IRF2: variants seen among roughly 807,000 people sequenced by gnomAD.
The protein encoded by IRF2 is interferon regulatory factor 2.
IRF2 carries 15 observed loss-of-function variants against 40.6 expected under a neutral mutation model. That is an observed-to-expected ratio of 0.37 (90% confidence interval 0.25 to 0.57). The LOEUF is 0.57. IRF2 is among the 20% of genes least tolerant of loss of function. The probability of loss-of-function intolerance (pLI) is 0.77; values close to 1 mark genes in which losing one functional copy is unlikely to be tolerated. For synonymous variants in IRF2, 151 were observed against 165.5 expected, an observed-to-expected ratio of 0.91 and a Z score of 0.67; for missense variants, 317 against 455.7, an observed-to-expected ratio of 0.70 and a Z score of 2.77.
intron 7 of IRF2, among the ~76,000 whole-genome samples, chr4:184,395,531 A>C (rs543965161): frequency 1.3e-5 from 2 of 152,368 alleles, no homozygotes; most frequent in Non-Finnish European, 2.9e-5. Flanking sequence ...GGAGAACATA[A>C]AGCAAGAAAG....
At chr4:184,405,169 A>C (rs1454715014) in intron 6 of IRF2, among the ~76,000 whole-genome samples, 1 of 152,168 alleles carries the variant, frequency 6.6e-6, no homozygotes, top group Non-Finnish European at 1.5e-5. Flanking sequence ...GCTTGAACCC[A>C]GGAGGCGGAG....
intron 1 of IRF2, among the ~76,000 whole-genome samples, chr4:184,437,364 T>TA (rs35044484): frequency 0.34 from 52,280 of 151,848 alleles, 9,784 homozygotes; most frequent in South Asian, 0.5. Flanking sequence ...CCTAATTTTT[T>TA]AAAATATTTT....
intron 2 of IRF2, among the ~76,000 whole-genome samples, chr4:184,423,657 C>T (rs1737562539): frequency 6.6e-6 from 1 of 152,094 alleles, no homozygotes; most frequent in South Asian, 2.1e-4. Flanking sequence ...CACATGGAGC[C>T]ACGAGAGAAA....
chr4:184,405,177 G>C (rs1364751040), intron 6 of IRF2, among the ~76,000 whole-genome samples: 1 of 152,216 alleles, frequency 6.6e-6, no homozygotes, highest in Non-Finnish European at 1.5e-5. Flanking sequence ...CCAGGAGGCG[G>C]AGGTTGCAGT....
rs1181823746 is a variant in IRF2 at position 184,474,044 on chromosome 4, A to G, written c.-7+335T>C. The stretch of plus-strand genomic sequence containing the variant: ...TGTGTCCATGGAGCCACCTCTCCGC[A>G]TCTGCAAATCCAAAAGTGAAATTAA... On this transcript the variant is annotated intron_variant, in intron 1 of 8. Coordinates refer to ENST00000393593, the MANE Select transcript of IRF2 (RefSeq NM_002199.4). The surrounding 1 kb of genome is among the most constrained non-coding windows in gnomAD (Gnocchi z 5.6). 1 of 153,306 alleles carries G rather than the reference A, an allele frequency of 6.5e-6. No individual in the cohort carries two copies. The highest frequency in any genetic ancestry group is 2.4e-5 in the African/African-American group (1 of 41,428). The allele number at this position is 153,306 out of a possible 1,614,324, so 9.5% of individuals were successfully genotyped here. A position where few individuals can be genotyped will look rare whatever the true frequency, so the allele number is the denominator to read the frequency against.
rs577250619 is a variant in IRF2, at chr4:184,452,453, G to A, written c.-7+21926C>T. On this transcript the variant is annotated intron_variant, in intron 1 of 8. Transcript: ENST00000393593. ...CTCTCTTTGCTCATGTTCTCATGCC[G>A]GCTGCCATGGAAGTGCAGACCGGGC... Among the ~76,000 whole-genome samples the A allele has an allele frequency of 1.4e-4, 22 of 152,232 alleles. No homozygotes were observed. The East Asian group carries it at 2.9e-3, about 20-fold the overall frequency.
chr4:184,428,690 T>G, intron 2 of IRF2: 1 of 494,746 alleles, frequency 2.0e-6, no homozygotes, highest in Non-Finnish European at 3.9e-6. Context: ...TTCCAGCTAC[T>G]CTGGAGGCTG....
intron 6 of IRF2, chr4:184,407,219 C>A (rs1376357297): frequency 7.8e-7 from 1 of 1,289,292 alleles, no homozygotes; most frequent in Non-Finnish European, 1.0e-6. Context: ...GACAATTCAG[C>A]ATGCTGCTGG....
intron 2 of IRF2, among the ~76,000 whole-genome samples, chr4:184,419,837 T>C (rs1422203943): frequency 6.6e-6 from 1 of 152,216 alleles, no homozygotes; most frequent in Non-Finnish European, 1.5e-5. Context: ...TTTGACCTTG[T>C]GTGTTCCATT....
intron 7 of IRF2, among the ~76,000 whole-genome samples, chr4:184,395,185 G>T (rs1192760598): frequency 6.6e-6 from 1 of 152,028 alleles, no homozygotes; most frequent in Non-Finnish European, 1.5e-5. Context: ...GCCGAAGCGG[G>T]TGGATCACGA....
intron 5 of IRF2, among the ~76,000 whole-genome samples, chr4:184,410,488 C>T (rs1191223800): frequency 6.6e-6 from 1 of 152,180 alleles, no homozygotes; most frequent in Non-Finnish European, 1.5e-5. Flanking sequence ...TGCTGCAATT[C>T]TCCATCTCTC....
intron 1 of IRF2, among the ~76,000 whole-genome samples, chr4:184,436,174 A>T (rs1738069855): frequency 6.6e-6 from 1 of 152,078 alleles, no homozygotes; most frequent in African/African-American, 2.4e-5. Context: ...ACAGGGTTTC[A>T]TCATGTTGGC....
intron 1 of IRF2, among the ~76,000 whole-genome samples, chr4:184,433,379 T>C (rs545068242): frequency 6.6e-6 from 1 of 152,282 alleles, no homozygotes; most frequent in Admixed American, 6.5e-5. Context: ...TCCTGCCGTG[T>C]GGTCATTTTG....
rs141214144 is a variant in IRF2 at position 184,447,985 on chromosome 4, C to T, written c.-6-18915G>A. Among the ~76,000 whole-genome samples the T allele has an allele frequency of 4.3e-3, 656 of 152,254 alleles. 3 individuals are homozygous for T. Among genetic ancestry groups the T allele is most frequent in the African/African-American group, 0.015 (627 of 41,536 alleles). On this transcript the variant is annotated intron_variant, in intron 1 of 8. Transcript: ENST00000393593. ...TAGTTTCCTGATTCTGATGGCCGTG[C>T]CAGGGTCTCAATGGAGACTATCTTC... is the stretch of plus-strand genomic sequence containing the variant.
chr4:184,387,879 A>G lies in IRF2; in HGVS notation c.*879T>C, dbSNP rs1010563766. The G allele has an allele frequency of 7.2e-5, 11 of 152,616 alleles. No individual in the cohort carries two copies. Among genetic ancestry groups the G allele is most frequent in the African/African-American group, 2.4e-4 (10 of 41,456 alleles). 9.5% of individuals were successfully genotyped at this position (152,616 alleles called of 1,614,324 possible). On this transcript the variant is annotated 3_prime_UTR_variant, in exon 9 of 9. Coordinates refer to ENST00000393593, the MANE Select transcript of IRF2 (RefSeq NM_002199.4). ...CAACTGCTGATAAACAAGAAAAGGA[A>G]TCTTAAAATTATAAATTTGCTGTAG...
chr4:184,473,418 T>C (rs1049624337), intron 1 of IRF2, among the ~76,000 whole-genome samples: 2 of 147,058 alleles, frequency 1.4e-5, no homozygotes, highest in African/African-American at 4.9e-5. Flanking sequence ...CGCACGGCGC[T>C]AGGCCGCGGC....
intron 1 of IRF2, among the ~76,000 whole-genome samples, chr4:184,463,663 T>A (rs1346787806): frequency 3.4e-5 from 5 of 149,124 alleles, no homozygotes; most frequent in Non-Finnish European, 6.0e-5. Flanking sequence ...TATATATTTT[T>A]TTTTTGATGG....
intron 5 of IRF2, 79 bp downstream of exon 5, chr4:184,418,088 G>T: frequency 1.9e-6 from 2 of 1,049,846 alleles, no homozygotes; most frequent in South Asian, 2.5e-5. Flanking sequence ...GAGGTCCTGT[G>T]ACTCATCTTT....
intron 1 of IRF2, among the ~76,000 whole-genome samples, chr4:184,447,456 G>C (rs1340479760): frequency 1.3e-5 from 2 of 152,238 alleles, no homozygotes; most frequent in African/African-American, 4.8e-5. Flanking sequence ...AGCTATCAAA[G>C]TAGTACTCAG....
Sources: gnomAD v4.1 joint callset for allele counts (sites outside exome capture counted in the v4.1 genomes callset) on GRCh38, gnomAD v4.1.1 for gene constraint, Gnocchi (gnomAD v3.1) non-coding constraint, MANE v1.5 for transcripts, NCBI Gene and HGNC (gene_info 2026-07-23, HGNC 2026-07-21) for gene names.